PADI1: variants seen among roughly 807,000 people sequenced by gnomAD.
PADI1 encodes peptidyl arginine deiminase 1.
PADI1 carries 65 observed loss-of-function variants against 74.8 expected under a neutral mutation model. The ratio of observed to expected loss-of-function variants is 0.87; its 90% CI spans 0.71 to 1.07. The LOEUF (loss-of-function observed/expected upper bound fraction) is 1.07, where lower values mean the gene tolerates loss of function less well. Among genes scored for constraint, PADI1 ranks in the 50% least tolerant of loss-of-function variants. The pLI, the probability that PADI1 is intolerant of heterozygous loss-of-function variation, is 0.00. For synonymous variants in PADI1, 371 were observed against 336.2 expected (o/e 1.10, Z -1.13); for missense variants, 943 against 854.0 (o/e 1.10, Z -1.30).
In PADI1 at chr1:17,236,061, T is replaced by C. The variant is rs546487942; in HGVS notation, c.1314-1253T>C. On this transcript the variant is annotated intron_variant, in intron 11 of 15. Transcript: ENST00000375471. ...ACCACATAGCAAGTTAGCAGTACGG[T>C]CAGAACCCAGGTCTCCTTCTACCTG... Among the ~76,000 whole-genome samples, 4 of 152,222 alleles carry C rather than the reference T, an allele frequency of 2.6e-5. No homozygotes were observed. In the South Asian group the frequency reaches 8.3e-4, roughly 32 times the overall value.
intron 11 of PADI1, among the ~76,000 whole-genome samples, chr1:17,236,088 G>T (rs560957430): frequency 6.6e-6 from 1 of 152,140 alleles, no homozygotes; most frequent in Non-Finnish European, 1.5e-5. Context: ...TTCTACCTGG[G>T]CTCCAAACTC....
chr1:17,231,524 C>G (rs1372439769), intron 10 of PADI1, among the ~76,000 whole-genome samples: 1 of 152,152 alleles, frequency 6.6e-6, no homozygotes, highest in Non-Finnish European at 1.5e-5. Context: ...GACATTCAAC[C>G]CAGCCTGGAG....
At chr1:17,230,048 G>T (rs539380268) in intron 8 of PADI1, 37 bp from the exon 9 acceptor site, 2 of 1,596,794 alleles carry the variant, frequency 1.3e-6, no homozygotes, top group South Asian at 1.1e-5. Context: ...CACAGTCAGA[G>T]GCCATTAGCA....
intron 11 of PADI1, among the ~76,000 whole-genome samples, chr1:17,234,219 T>C (rs923629958): frequency 6.6e-6 from 1 of 152,202 alleles, no homozygotes; most frequent in African/African-American, 2.4e-5. Flanking sequence ...CTTAAAAATA[T>C]TTATTGTATG....
In PADI1 at chr1:17,228,735, AC is replaced by A; in HGVS notation, c.765del (p.Phe256SerfsTer7). On this transcript the variant is annotated frameshift_variant, in exon 7 of 16. Transcript: ENST00000375471. LOFTEE classifies it high-confidence loss of function. ...QEIKFYVEGL[T>X]FPDADFLGLV... is the part of the protein sequence containing the mutation. Reference sequence around the variant, plus strand: ...GATCAAGTTCTATGTGGAGGGGCTGACCTTCCCCGATGCCGATTTCCTAGGG... The same window carrying A: ...GATCAAGTTCTATGTGGAGGGGCTGACTTCCCCGATGCCGATTTCCTAGGG... The A allele has an allele frequency of 6.2e-7, 1 of 1,614,130 alleles. No homozygotes were observed. The highest frequency in any genetic ancestry group is 2.2e-5 in the East Asian group (1 of 44,876).
chr1:17,220,118 C>T (rs1569779152), intron 1 of PADI1, among the ~76,000 whole-genome samples: 2 of 151,506 alleles, frequency 1.3e-5, no homozygotes, highest in East Asian at 3.9e-4. Context: ...GATTGTAAGG[C>T]CAGGAGTGGG....
intron 15 of PADI1, among the ~76,000 whole-genome samples, chr1:17,243,558 A>T (rs1569859189): frequency 1.3e-5 from 2 of 152,346 alleles, no homozygotes. Context: ...GCTGCCAAAG[A>T]CAGTTAAGCA....
In PADI1 at chr1:17,244,264, C is replaced by T. The variant is rs770584140; in HGVS notation, c.*21C>T. On this transcript the variant is annotated 3_prime_UTR_variant, in exon 16 of 16. Transcript: ENST00000375471. ...CCTGAGCCTGCCCCCACCCGCCATC[C>T]TCTCTGCCCTCTTGCTAGGGAACCC... 5.1e-6 allele frequency: 8 copies of T among 1,568,966 alleles called. No individual in the cohort carries two copies. The highest frequency in any genetic ancestry group is 1.1e-5 in the South Asian group (1 of 90,118).
chr1:17,218,562 A>C (rs914081178), intron 1 of PADI1, among the ~76,000 whole-genome samples: 1 of 152,180 alleles, frequency 6.6e-6, no homozygotes, highest in Non-Finnish European at 1.5e-5. Flanking sequence ...CAGGTCAATG[A>C]GGGGAAGAAG....
chr1:17,237,371 G>T lies in PADI1; in HGVS notation c.1371G>T (p.Val457=). 2 of 1,613,526 alleles carry T rather than the reference G, an allele frequency of 1.2e-6. No homozygotes were observed. The highest frequency in any genetic ancestry group is 1.7e-6 in the Non-Finnish European group (2 of 1,179,694). The part of the protein sequence containing the change: ...AVRNFLKAQQ[V]QAPVELYSDW... ...GGAACTTCCTGAAGGCACAGCAGGT[G>T]CAGGCACCCGTGGAGCTCTACTCGG... The change falls in exon 12 of 16, where the codon GTG becomes GTT. Residue 457 remains valine, a synonymous_variant. Coordinates refer to ENST00000375471, the MANE Select transcript of PADI1 (RefSeq NM_013358.3).
chr1:17,214,743 C>T (rs113174316), intron 1 of PADI1, among the ~76,000 whole-genome samples: 5 of 152,192 alleles, frequency 3.3e-5, no homozygotes, highest in Admixed American at 6.5e-5. Context: ...GTCACACCTC[C>T]CAAGGGCAGC....
At chr1:17,238,522 A>G in intron 12 of PADI1, 94 bp from the exon 13 acceptor site, 1 of 537,486 alleles carries the variant, frequency 1.9e-6, no homozygotes, top group Admixed American at 4.1e-5. Context: ...GGGAGTCCCA[A>G]GAACTGTCAG....
intron 1 of PADI1, among the ~76,000 whole-genome samples, chr1:17,215,426 CA>C (rs997739990): frequency 1.4e-5 from 2 of 143,132 alleles, no homozygotes; most frequent in Non-Finnish European, 3.1e-5. Context: ...CATTTTCTAC[CA>C]AGACTCCAAA....
chr1:17,228,602 C>G, intron 6 of PADI1, 23 bp from the exon 7 acceptor site: 3 of 1,613,638 alleles, frequency 1.9e-6, no homozygotes, highest in Non-Finnish European at 2.5e-6. Context: ...TCCTCGCTAG[C>G]CCCTGACTCT....
chr1:17,221,715 C>T (rs1359718383), intron 1 of PADI1, among the ~76,000 whole-genome samples: 4 of 152,104 alleles, frequency 2.6e-5, no homozygotes, highest in African/African-American at 7.2e-5. Context: ...CATGGCACAA[C>T]AGGAAGGCCA....
At chr1:17,233,868 G>A (rs921740312) in intron 11 of PADI1, among the ~76,000 whole-genome samples, 3 of 152,236 alleles carry the variant, frequency 2.0e-5, no homozygotes, top group Non-Finnish European at 4.4e-5. Context: ...GAGGCTTCCT[G>A]GCACCTACCC....
At chr1:17,228,054 T>C (rs1334563380) in intron 6 of PADI1, among the ~76,000 whole-genome samples, 3 of 152,180 alleles carry the variant, frequency 2.0e-5, no homozygotes, top group Non-Finnish European at 2.9e-5. Context: ...GCAGTGATGC[T>C]ATCACGGCTC....
intron 1 of PADI1, among the ~76,000 whole-genome samples, chr1:17,221,884 C>T (rs986168426): frequency 2.0e-5 from 3 of 152,234 alleles, no homozygotes; most frequent in Non-Finnish European, 4.4e-5. Flanking sequence ...AGGAACAACA[C>T]GCTCTGCTGT....
chr1:17,205,969 T>A (rs2071672337), intron 1 of PADI1, among the ~76,000 whole-genome samples: 1 of 152,168 alleles, frequency 6.6e-6, no homozygotes, highest in Non-Finnish European at 1.5e-5. Flanking sequence ...CAGTAGCATT[T>A]GCTTCTCCTG....
Sources: gnomAD v4.1 joint callset for allele counts (sites outside exome capture counted in the v4.1 genomes callset) on GRCh38, gnomAD v4.1.1 for gene constraint, MANE v1.5 for transcripts, NCBI Gene and HGNC (gene_info 2026-07-23, HGNC 2026-07-21) for gene names.